Variants in PRKCA observed in about 807,000 individuals in gnomAD.
The protein encoded by PRKCA is protein kinase C alpha type.
Under a neutral mutation model 87.0 loss-of-function variants are expected in PRKCA, and 27 were observed. That is an observed-to-expected ratio of 0.31 (90% CI 0.23 to 0.43). PRKCA has a LOEUF of 0.43. Among genes scored for constraint, PRKCA ranks in the 20% least tolerant of loss-of-function variants. The probability of loss-of-function intolerance (pLI) is 1.00; values close to 1 mark genes in which losing one functional copy is unlikely to be tolerated. For synonymous variants in PRKCA, 329 were observed against 311.1 expected (o/e 1.06, Z -0.61); for missense variants, 518 against 852.3 (o/e 0.61, Z 4.88).
At chr17:66,508,946 G>A (rs1917096950) in intron 3 of PRKCA, among the ~76,000 whole-genome samples, 1 of 152,208 alleles carries the variant, frequency 6.6e-6, no homozygotes, top group Non-Finnish European at 1.5e-5. Flanking sequence ...GCTGTTAGCT[G>A]TGGCTGCTGG....
chr17:66,576,873 C>CTT (rs66875614), intron 3 of PRKCA, among the ~76,000 whole-genome samples: 15,765 of 137,610 alleles, frequency 0.11, 1,275 homozygotes, highest in African/African-American at 0.2. Flanking sequence ...TGGTGATGTA[C>CTT]TTTTTTTTTT....
At chr17:66,314,422 G>A (rs1905206278) in intron 2 of PRKCA, among the ~76,000 whole-genome samples, 1 of 152,144 alleles carries the variant, frequency 6.6e-6, no homozygotes, top group African/African-American at 2.4e-5. Context: ...ATACAAAAGG[G>A]AAAATGGTTT....
At position 66,306,099 on chromosome 17, in the gene PRKCA, G is replaced by T. The variant is rs1247973072; in HGVS notation, c.177G>T (p.Gly59=). ...FCSHCTDFIW[G]FGKQGFQCQV... ...TGTTCTTGTTTTTGTTTTTCAGGGG[G>T]TTTGGGAAACAAGGCTTCCAGTGCC... Residue 59 remains glycine, a synonymous_variant, in exon 2 of 17, where the codon GGG becomes GGT. Coordinates refer to ENST00000413366, the MANE Select transcript of PRKCA (RefSeq NM_002737.3). 5 of 1,611,686 alleles carry T rather than the reference G, an allele frequency of 3.1e-6. No individual in the cohort carries two copies. The highest frequency in any genetic ancestry group is 3.4e-5 in the Admixed American group (2 of 59,520).
chr17:66,498,071 G>A (rs1460744428), intron 3 of PRKCA, among the ~76,000 whole-genome samples: 2 of 152,084 alleles, frequency 1.3e-5, no homozygotes, highest in East Asian at 1.9e-4. Context: ...GTCCATGAAC[G>A]TTGAGTGACT....
chr17:66,529,566 T>C (rs1967469378), intron 3 of PRKCA, among the ~76,000 whole-genome samples: 2 of 151,762 alleles, frequency 1.3e-5, no homozygotes, highest in South Asian at 2.1e-4. Flanking sequence ...TGGGAGGGAG[T>C]GGCCCATGGG....
chr17:66,530,013 T>C (rs1967484662), intron 3 of PRKCA, among the ~76,000 whole-genome samples: 1 of 152,202 alleles, frequency 6.6e-6, no homozygotes, highest in Non-Finnish European at 1.5e-5. Context: ...TTCCTTTTGC[T>C]GCTAGGAACC....
chr17:66,619,192 G>A (rs1245896568), intron 3 of PRKCA, among the ~76,000 whole-genome samples: 1 of 152,146 alleles, frequency 6.6e-6, no homozygotes, highest in East Asian at 1.9e-4. Context: ...GCTCAATTGA[G>A]TCTCTCTCAT....
intron 8 of PRKCA, among the ~76,000 whole-genome samples, chr17:66,730,994 A>T (rs1475226517): frequency 6.6e-6 from 1 of 152,120 alleles, no homozygotes; most frequent in Non-Finnish European, 1.5e-5. Context: ...TGTTGACTGG[A>T]GTGAGTTCCT....
chr17:66,464,340 C>T (rs537711290), intron 2 of PRKCA, among the ~76,000 whole-genome samples: 7 of 152,282 alleles, frequency 4.6e-5, no homozygotes, highest in Admixed American at 3.9e-4. Flanking sequence ...CATAAACATC[C>T]GTGTGCAGGT....
intron 13 of PRKCA, among the ~76,000 whole-genome samples, chr17:66,760,621 TC>T (rs900848474): frequency 6.6e-6 from 1 of 152,068 alleles, no homozygotes; most frequent in Admixed American, 6.5e-5. Flanking sequence ...TTTGAAAACA[TC>T]AATAAAATTG....
chr17:66,701,792 A>G (rs1315868802), intron 8 of PRKCA, among the ~76,000 whole-genome samples: 1 of 152,154 alleles, frequency 6.6e-6, no homozygotes, highest in Non-Finnish European at 1.5e-5. Flanking sequence ...ACCTGTTAGA[A>G]TGGCAGTTAT....
intron 1 of PRKCA, among the ~76,000 whole-genome samples, chr17:66,305,474 C>T (rs528791356): frequency 9.3e-4 from 141 of 152,284 alleles, no homozygotes; most frequent in Middle Eastern, 6.8e-3. Context: ...AAGTCATGTA[C>T]AAGAACAAAA....
At chr17:66,699,210 CAAAAA>C (rs59337509) in intron 8 of PRKCA, among the ~76,000 whole-genome samples, 4 of 105,632 alleles carry the variant, frequency 3.8e-5, no homozygotes, top group East Asian at 2.7e-4. Context: ...GACTGTCTCT[CAAAAA>C]AAAAAAAAAA....
At chr17:66,746,554 A>G (rs1293667575) in intron 13 of PRKCA, among the ~76,000 whole-genome samples, 2 of 152,230 alleles carry the variant, frequency 1.3e-5, no homozygotes, top group African/African-American at 4.8e-5. Context: ...ATTATCTTGC[A>G]TGGCATTCTC....
At position 66,323,609 on chromosome 17, in the gene PRKCA, G is replaced by C. The variant is rs184836907; in HGVS notation, c.205+17482G>C. On this transcript the variant is annotated intron_variant, in intron 2 of 16. Coordinates refer to ENST00000413366, the MANE Select transcript of PRKCA (RefSeq NM_002737.3). ...TTTTATCAACTGCTTCTGTGGGCAA[G>C]AAGTGTGTATGGGTATGTCTGCTGG... Among the ~76,000 whole-genome samples the C allele has an allele frequency of 1.5e-3, 230 of 152,328 alleles. 4 individuals carry two copies. Among genetic ancestry groups the C allele is most frequent in the Non-Finnish European group, 3.8e-4 (26 of 68,038 alleles).
chr17:66,774,345 G>T (rs1404937589), intron 14 of PRKCA: 1 of 1,245,842 alleles, frequency 8.0e-7, no homozygotes, highest in East Asian at 4.0e-5. Context: ...TGTTGGCCAG[G>T]CGCGGTGGCT....
rs1975554002 is a variant in PRKCA at position 66,792,117 on chromosome 17, C to G, written c.1854+3138C>G. On this transcript the variant is annotated intron_variant, in intron 16 of 16. Coordinates refer to ENST00000413366, the MANE Select transcript of PRKCA (RefSeq NM_002737.3). This position sits in a 1 kb window ranked among gnomAD's most constrained non-coding sequence, Gnocchi z 4.5. ...GTTCTTATAATCCTGGCTCACCAACCTTTTCTGTCTTGGTGAAGTCTGCCT... is the reference window on the plus strand; with the variant it reads ...GTTCTTATAATCCTGGCTCACCAACGTTTTCTGTCTTGGTGAAGTCTGCCT... Among the ~76,000 whole-genome samples the G allele has an allele frequency of 6.6e-6, 1 of 152,132 alleles. No individual in the cohort carries two copies. Among genetic ancestry groups the G allele is most frequent in the African/African-American group, 2.4e-5 (1 of 41,414 alleles).
intron 8 of PRKCA, among the ~76,000 whole-genome samples, chr17:66,709,301 C>CTTTTTTTTTTT (rs552633887): frequency 9.4e-5 from 8 of 84,906 alleles, no homozygotes; most frequent in African/African-American, 3.9e-4. Context: ...GAGATGATTT[C>CTTTTTTTTTTT]TTTTTTTTTT....
chr17:66,595,434 C>CA (rs1469512125), intron 3 of PRKCA, among the ~76,000 whole-genome samples: 1 of 149,734 alleles, frequency 6.7e-6, no homozygotes, highest in African/African-American at 2.5e-5. Context: ...GGTATATTTG[C>CA]AAAAACTCTA....
Sources: gnomAD v4.1 joint callset for allele counts (sites outside exome capture counted in the v4.1 genomes callset) on GRCh38, gnomAD v4.1.1 for gene constraint, Gnocchi (gnomAD v3.1) non-coding constraint, MANE v1.5 for transcripts, NCBI Gene and HGNC (gene_info 2026-07-23, HGNC 2026-07-21) for gene names.